The following LONP2 variants were observed in gnomAD, a reference collection of about 807,000 sequenced individuals.
The protein encoded by LONP2 is lon peptidase 2, peroxisomal, also known as lon protease homolog 2, peroxisomal.
A neutral mutation model predicts 85.6 loss-of-function variants in LONP2; 60 were observed. That is an observed-to-expected ratio of 0.70 (90% confidence interval 0.57 to 0.87). The LOEUF is 0.87. Ranked by LOEUF, LONP2 falls within the 40% of genes least tolerant of loss-of-function variation. The pLI is 0.00. For missense variants in LONP2, 860 were observed against 1,063.5 expected (o/e 0.81, Z 2.66); for synonymous variants, 395 against 389.7 (o/e 1.01, Z -0.16).
chr16:48,276,846 T>A (rs2150981983), intron 7 of LONP2, among the ~76,000 whole-genome samples: 1 of 152,288 alleles, frequency 6.6e-6, no homozygotes, highest in East Asian at 1.9e-4. Context: ...GTTGTTGTTT[T>A]TGGTCTGCAT....
chr16:48,287,894 C>T (rs1333248101), intron 8 of LONP2, among the ~76,000 whole-genome samples: 1 of 152,186 alleles, frequency 6.6e-6, no homozygotes, highest in East Asian at 1.9e-4. Context: ...GAGTTTCTTA[C>T]TCTACCATTA....
intron 8 of LONP2, among the ~76,000 whole-genome samples, chr16:48,285,655 G>T (rs1436831490): frequency 6.6e-6 from 1 of 151,840 alleles, no homozygotes; most frequent in African/African-American, 2.4e-5. Context: ...TCAAATTACT[G>T]TAGTTTTCAA....
At chr16:48,288,678 C>G (rs1166007565) in intron 8 of LONP2, among the ~76,000 whole-genome samples, 1 of 152,006 alleles carries the variant, frequency 6.6e-6, no homozygotes, top group African/African-American at 2.4e-5. Flanking sequence ...TCCCTGGGGT[C>G]TCCTCTTTCC....
chr16:48,309,705 AC>A (rs773148683), intron 11 of LONP2, among the ~76,000 whole-genome samples: 83 of 152,254 alleles, frequency 5.5e-4, no homozygotes, highest in Non-Finnish European at 1.1e-3. Flanking sequence ...GTGTGAAGAT[AC>A]TTGATATGAT....
chr16:48,295,312 C>T (rs570839499), intron 8 of LONP2, among the ~76,000 whole-genome samples: 8 of 152,122 alleles, frequency 5.3e-5, no homozygotes, highest in Non-Finnish European at 8.8e-5. Flanking sequence ...GCGGAGGTTG[C>T]AGTGAGCTGA....
intron 11 of LONP2, among the ~76,000 whole-genome samples, chr16:48,308,051 G>A (rs1413694489): frequency 6.6e-6 from 1 of 152,150 alleles, no homozygotes; most frequent in Non-Finnish European, 1.5e-5. Context: ...CTGCCCCTGT[G>A]ACCCAAACAT....
intron 6 of LONP2, among the ~76,000 whole-genome samples, chr16:48,269,446 A>C (rs1972056989): frequency 6.6e-6 from 1 of 152,162 alleles, no homozygotes; most frequent in African/African-American, 2.4e-5. Flanking sequence ...TGACAGTGAA[A>C]GTTGTCTGTC....
intron 12 of LONP2, among the ~76,000 whole-genome samples, chr16:48,346,637 A>C (rs1959973535): frequency 6.6e-6 from 1 of 152,122 alleles, no homozygotes; most frequent in Non-Finnish European, 1.5e-5. Context: ...AAAAAAAATA[A>C]GAGGGTCTCA....
chr16:48,361,240 C>A, downstream of LONP2: 1 of 263,796 alleles, frequency 3.8e-6, no homozygotes, highest in Non-Finnish European at 7.5e-6. Context: ...CGCAGGCACA[C>A]ACTCCCACGC....
At chr16:48,345,137 C>T (rs1397125616) in intron 12 of LONP2, 1 of 152,318 alleles carries the variant, frequency 6.6e-6, no homozygotes, top group East Asian at 1.9e-4. Context: ...AAGAGAATTG[C>T]TTGAACCAGG....
intron 1 of LONP2, among the ~76,000 whole-genome samples, chr16:48,247,132 C>T (rs1971434299): frequency 6.6e-6 from 1 of 152,296 alleles, no homozygotes; most frequent in Non-Finnish European, 1.5e-5. Flanking sequence ...ACTTAAAAAG[C>T]CTATGTGGAA....
chr16:48,331,811 G>A (rs936902658), intron 11 of LONP2, among the ~76,000 whole-genome samples: 17 of 152,310 alleles, frequency 1.1e-4, no homozygotes, highest in South Asian at 2.1e-4. Flanking sequence ...TGATCCACGC[G>A]CCTCGGCCTC....
At chr16:48,302,394 C>T (rs1972825703) in intron 10 of LONP2, among the ~76,000 whole-genome samples, 1 of 152,166 alleles carries the variant, frequency 6.6e-6, no homozygotes, top group African/African-American at 2.4e-5. Context: ...CTGACTTAAT[C>T]AAATGTATGG....
At chr16:48,329,201 T>A (rs1443193594) in intron 11 of LONP2, among the ~76,000 whole-genome samples, 2 of 152,226 alleles carry the variant, frequency 1.3e-5, no homozygotes, top group African/African-American at 2.4e-5. Flanking sequence ...TTTAGTTACC[T>A]GTGGTCAACC....
chr16:48,361,210 C>G, downstream of LONP2: 1 of 205,530 alleles, frequency 4.9e-6, no homozygotes, highest in Non-Finnish European at 1.0e-5. Flanking sequence ...AGGAAAAAAA[C>G]CCAAACACGC....
At chr16:48,287,097 TACCTGG>T (rs1972459265) in intron 8 of LONP2, among the ~76,000 whole-genome samples, 1 of 152,226 alleles carries the variant, frequency 6.6e-6, no homozygotes. Context: ...TTTCCTTAAG[TACCTGG>T]ACAGTAGCTC....
downstream of LONP2, among the ~76,000 whole-genome samples, chr16:48,358,845 TA>T (rs1225341201): frequency 6.6e-6 from 1 of 151,972 alleles, no homozygotes; most frequent in African/African-American, 2.4e-5. Context: ...ACTGGAAAAA[TA>T]AAAATGTCAC....
At chr16:48,267,915 C>T (rs1212510013) in intron 6 of LONP2, among the ~76,000 whole-genome samples, 6 of 152,062 alleles carry the variant, frequency 3.9e-5, no homozygotes, top group Non-Finnish European at 8.8e-5. Flanking sequence ...CGAGCCTGGC[C>T]CCCCATTCAT....
rs2151038674 is a variant in LONP2, at chr16:48,354,979, G to A, written c.*3177G>A. ...TACTTTCCCTGGGAAAAAGCCATGT[G>A]GTAGCAAGTACCAGAAATTTTTATG... On this transcript the variant is annotated 3_prime_UTR_variant, in exon 15 of 15. Transcript: ENST00000285737. 1 of 152,274 alleles carries A rather than the reference G, an allele frequency of 6.6e-6. No individual in the cohort carries two copies. Among genetic ancestry groups the A allele is most frequent in the Non-Finnish European group, 1.5e-5 (1 of 68,026 alleles). The allele number at this position is 152,274 out of a possible 1,614,324, so 9.4% of individuals were successfully genotyped here.
Sources: gnomAD v4.1 joint callset for allele counts (sites outside exome capture counted in the v4.1 genomes callset) on GRCh38, gnomAD v4.1.1 for gene constraint, MANE v1.5 for transcripts, NCBI Gene and HGNC (gene_info 2026-07-23, HGNC 2026-07-21) for gene names.